The following FBXW8 variants were observed in gnomAD, a reference collection of about 807,000 sequenced individuals.
The protein encoded by FBXW8 is F-box and WD repeat domain containing 8.
Under a neutral mutation model 65.3 loss-of-function variants are expected in FBXW8, and 57 were observed. That is an observed-to-expected ratio of 0.87 (90% CI 0.71 to 1.09). The LOEUF is 1.09. FBXW8 is among the 50% of genes least tolerant of loss of function. FBXW8 has a pLI of 0.00. For missense variants in FBXW8, 777 were observed against 814.8 expected, an observed-to-expected ratio of 0.95 and a Z score of 0.57; for synonymous variants, 308 against 330.2, an observed-to-expected ratio of 0.93 and a Z score of 0.73.
At chr12:116,934,549 A>G (rs1346402954) in intron 2 of FBXW8, among the ~76,000 whole-genome samples, 1 of 152,218 alleles carries the variant, frequency 6.6e-6, no homozygotes, top group East Asian at 1.9e-4. Context: ...GGAGAAAAGT[A>G]AGTCTGCCAT....
intron 8 of FBXW8, among the ~76,000 whole-genome samples, chr12:117,015,377 C>T (rs929522864): frequency 2.0e-5 from 3 of 152,106 alleles, no homozygotes; most frequent in Admixed American, 1.3e-4. Flanking sequence ...AGTGGGCTTA[C>T]TCCGTTCTGG....
chr12:116,964,910 T>A lies in FBXW8; in HGVS notation c.835+56T>A, dbSNP rs1884220982. The stretch of plus-strand genomic sequence containing the variant: ...GGAAAAAAAAAAGCTTTACAAAAAT[T>A]AAGCAGCTGTGGCCGGCTCCCCCCT... On this transcript the variant is annotated intron_variant, in intron 5 of 10. Coordinates refer to ENST00000652555, the MANE Select transcript of FBXW8 (RefSeq NM_153348.3). 7.2e-6 allele frequency: 11 copies of A among 1,521,034 alleles called. 1 individual carries two copies. The South Asian group carries it at 1.3e-4, about 18-fold the overall frequency. 94.2% of individuals were successfully genotyped at this position (1,521,034 alleles called of 1,614,324 possible). A position where few individuals can be genotyped will look rare whatever the true frequency, so the allele number is the denominator to read the frequency against.
intron 5 of FBXW8, among the ~76,000 whole-genome samples, chr12:116,983,514 G>A (rs1354008891): frequency 6.6e-6 from 1 of 152,164 alleles, no homozygotes; most frequent in African/African-American, 2.4e-5. Context: ...CAGCCCAAAT[G>A]TATTATTTTC....
At chr12:117,019,906 T>TAAAC (rs557157378) in intron 8 of FBXW8, among the ~76,000 whole-genome samples, 44 of 152,244 alleles carry the variant, frequency 2.9e-4, no homozygotes, top group Non-Finnish European at 6.0e-4. Context: ...TGGTTTTATT[T>TAAAC]AAACAGGAAG....
intron 2 of FBXW8, among the ~76,000 whole-genome samples, chr12:116,943,083 A>G (rs561761711): frequency 7.9e-5 from 12 of 152,144 alleles, no homozygotes; most frequent in African/African-American, 2.6e-4. Flanking sequence ...TATCTTCTAT[A>G]TGGTAAGACA....
At chr12:116,948,327 C>T (rs1883061604) in intron 3 of FBXW8, among the ~76,000 whole-genome samples, 1 of 152,170 alleles carries the variant, frequency 6.6e-6, no homozygotes, top group African/African-American at 2.4e-5. Flanking sequence ...CAGCTGACTC[C>T]CAGATCCTTG....
intron 2 of FBXW8, 102 bp from the exon 3 acceptor site, chr12:116,945,262 C>T: frequency 8.6e-7 from 1 of 1,167,982 alleles, no homozygotes; most frequent in Non-Finnish European, 1.2e-6. Context: ...TTTTATACTG[C>T]CATAAACCCA....
At chr12:116,995,854 G>A (rs115729676) in intron 7 of FBXW8, among the ~76,000 whole-genome samples, 357 of 152,272 alleles carry the variant, frequency 2.3e-3, no homozygotes, top group African/African-American at 8.1e-3. Context: ...TGTAGCCTTC[G>A]TGCCCAAGCA....
chr12:116,997,160 C>T (rs1277448990), intron 7 of FBXW8, among the ~76,000 whole-genome samples: 1 of 152,198 alleles, frequency 6.6e-6, no homozygotes, highest in Non-Finnish European at 1.5e-5. Context: ...AGCACCTCCA[C>T]AGAGCCCTAG....
chr12:116,953,058 A>G (rs965157226), intron 4 of FBXW8, among the ~76,000 whole-genome samples: 1 of 152,164 alleles, frequency 6.6e-6, no homozygotes, highest in Non-Finnish European at 1.5e-5. Flanking sequence ...TTTTAAAACC[A>G]TGAGTGGTAT....
intron 5 of FBXW8, among the ~76,000 whole-genome samples, chr12:116,972,569 G>A (rs1329928074): frequency 1.3e-5 from 2 of 152,140 alleles, no homozygotes; most frequent in East Asian, 3.9e-4. Flanking sequence ...CAGGGACAGT[G>A]TGAGAGGGAA....
At chr12:116,974,360 A>ACTTC (rs1252793757) in intron 5 of FBXW8, among the ~76,000 whole-genome samples, 1 of 152,212 alleles carries the variant, frequency 6.6e-6, no homozygotes, top group East Asian at 1.9e-4. Flanking sequence ...AATAGTTTGC[A>ACTTC]CTTCCCCAAG....
chr12:116,964,268 A>G (rs956984713), intron 4 of FBXW8, among the ~76,000 whole-genome samples: 1 of 152,360 alleles, frequency 6.6e-6, no homozygotes, highest in South Asian at 2.1e-4. Context: ...CTGTGAGACC[A>G]TTAGTTCTGA....
rs59006120 is a variant in FBXW8 at position 116,916,911 on chromosome 12, T to TGTGAGAGA, written c.318+5557_318+5558insTGAGAGAG. Among the ~76,000 whole-genome samples, 808 of 145,714 alleles carry TGTGAGAGA rather than the reference T, an allele frequency of 5.5e-3. 40 individuals carry two copies. In the East Asian group the frequency reaches 0.12, roughly 21 times the overall value. On this transcript the variant is annotated intron_variant, in intron 1 of 10. Coordinates refer to ENST00000652555, the MANE Select transcript of FBXW8 (RefSeq NM_153348.3). Reference sequence around the variant, plus strand: ...GTGCGTGTGTGTGTGTGTGTGTGTGTGAGAGAGAGAGAGAGAAAGAGGTGT... The same window carrying TGTGAGAGA: ...GTGCGTGTGTGTGTGTGTGTGTGTGTGTGAGAGAGAGAGAGAGAGAGAGAAAGAGGTGT...
At chr12:117,014,128 T>G (rs903952815) in intron 8 of FBXW8, among the ~76,000 whole-genome samples, 1 of 152,234 alleles carries the variant, frequency 6.6e-6, no homozygotes, top group African/African-American at 2.4e-5. Flanking sequence ...TTCCCAAACC[T>G]TTCTTTCTGT....
In FBXW8 at chr12:116,961,770, C is replaced by T. The variant is rs1407607246; in HGVS notation, c.678-2927C>T. On this transcript the variant is annotated intron_variant, in intron 4 of 10. Coordinates refer to ENST00000652555, the MANE Select transcript of FBXW8 (RefSeq NM_153348.3). The surrounding 1 kb of genome is among the most constrained non-coding windows in gnomAD (Gnocchi z 4.4). ...CGTCCAGGCTGCCGTGAAGGTAGAT[C>T]GTAGTGCGGTGTAGTGTGGCATGTG... Among the ~76,000 whole-genome samples the T allele has an allele frequency of 6.6e-6, 1 of 152,044 alleles. No individual in the cohort carries two copies. Among genetic ancestry groups the T allele is most frequent in the Non-Finnish European group, 1.5e-5 (1 of 68,034 alleles).
chr12:116,918,972 T>C (rs1880658364), intron 1 of FBXW8, among the ~76,000 whole-genome samples: 1 of 152,152 alleles, frequency 6.6e-6, no homozygotes, highest in Non-Finnish European at 1.5e-5. Context: ...CATGTTTTTT[T>C]TTCCTATATA....
intron 8 of FBXW8, among the ~76,000 whole-genome samples, chr12:117,014,095 C>G (rs1009156278): frequency 1.3e-5 from 2 of 152,086 alleles, no homozygotes; most frequent in Non-Finnish European, 2.9e-5. Flanking sequence ...TCCAACAGGC[C>G]ACCAAAGCTC....
chr12:116,955,573 GT>G (rs756931976), intron 4 of FBXW8, among the ~76,000 whole-genome samples: 62 of 152,220 alleles, frequency 4.1e-4, no homozygotes, highest in Non-Finnish European at 1.5e-4. Context: ...TTGATAGTAA[GT>G]GCTCAGGAAA....
Sources: gnomAD v4.1 joint callset for allele counts (sites outside exome capture counted in the v4.1 genomes callset) on GRCh38, gnomAD v4.1.1 for gene constraint, Gnocchi (gnomAD v3.1) non-coding constraint, MANE v1.5 for transcripts, NCBI Gene and HGNC (gene_info 2026-07-23, HGNC 2026-07-21) for gene names.